The following NCAPG variants were observed in gnomAD, a reference collection of about 807,000 sequenced individuals.
NCAPG encodes condensin complex subunit 3.
A neutral mutation model predicts 113.1 loss-of-function variants in NCAPG; 69 were observed. The ratio of observed to expected loss-of-function variants is 0.61; its 90% CI spans 0.50 to 0.75. The LOEUF is 0.75. Ranked by LOEUF, NCAPG falls within the 30% of genes least tolerant of loss-of-function variation. NCAPG has a pLI of 0.00. For synonymous variants in NCAPG, 370 were observed against 415.8 expected, an observed-to-expected ratio of 0.89 and a Z score of 1.34; for missense variants, 1,058 against 1,177.0, an observed-to-expected ratio of 0.90 and a Z score of 1.48.
At chr4:17,829,960 T>A (rs1332546113) in intron 12 of NCAPG, among the ~76,000 whole-genome samples, 1 of 152,218 alleles carries the variant, frequency 6.6e-6, no homozygotes, top group Non-Finnish European at 1.5e-5. Context: ...TTTGAACTAT[T>A]CATGGAAGGT....
In NCAPG at chr4:17,830,855, C is replaced by A. The variant is rs1721841486; in HGVS notation, c.1765-142C>A. The A allele has an allele frequency of 3.9e-6, 3 of 769,438 alleles. No homozygotes were observed. In the South Asian group the frequency reaches 5.8e-5, roughly 15 times the overall value. The allele number at this position is 769,438 out of a possible 1,614,324, so 47.7% of individuals were successfully genotyped here. On this transcript the variant is annotated intron_variant, in intron 12 of 20. Transcript: ENST00000251496. ...TGGTCAGACCCTATTTCAGGAAGGTCACTCTGGCTATATTGTTCTGTTTTA... is the reference window on the plus strand; with the variant it reads ...TGGTCAGACCCTATTTCAGGAAGGTAACTCTGGCTATATTGTTCTGTTTTA...
chr4:17,830,492 T>C (rs1358530949), intron 12 of NCAPG, among the ~76,000 whole-genome samples: 1 of 151,686 alleles, frequency 6.6e-6, no homozygotes, highest in African/African-American at 2.4e-5. Context: ...TTTATATTGA[T>C]TAAATACTAC....
intron 7 of NCAPG, among the ~76,000 whole-genome samples, chr4:17,819,253 A>G (rs1438693059): frequency 1.3e-5 from 2 of 152,136 alleles, no homozygotes; most frequent in Non-Finnish European, 1.5e-5. Context: ...TTCACTGATA[A>G]AAGCAAAAGT....
At position 17,811,651 on chromosome 4, in the gene NCAPG, T is replaced by A. The variant is rs1720960691; in HGVS notation, c.111+463T>A. ...TGTCCTACGGTTACGTTGAATCCAA[T>A]CACCAAATACCAAATTATTTTTAGG... On this transcript the variant is annotated intron_variant, in intron 1 of 20. Transcript: ENST00000251496. The surrounding 1 kb of genome is among the most constrained non-coding windows in gnomAD (Gnocchi z 5.3). Among the ~76,000 whole-genome samples the A allele has an allele frequency of 6.6e-6, 1 of 152,232 alleles. No homozygotes were observed. Among genetic ancestry groups the A allele is most frequent in the Admixed American group, 6.5e-5 (1 of 15,286 alleles).
rs1390569382 is a variant in NCAPG at position 17,825,489 on chromosome 4, A to C, written c.1581A>C (p.Ala527=). The part of the protein sequence containing the change: ...RASELKEEIK[A]LEDARINLLK... ...CAGAATTAAAAGAAGAAATAAAAGCATTAGAAGATGCCAGAATAAACCTTT... is the reference window on the plus strand; with the variant it reads ...CAGAATTAAAAGAAGAAATAAAAGCCTTAGAAGATGCCAGAATAAACCTTT... Residue 527 remains alanine (A), a synonymous_variant, in exon 11 of 21, where the codon GCA becomes GCC. Coordinates refer to ENST00000251496, the MANE Select transcript of NCAPG (RefSeq NM_022346.5). 3 of 1,609,978 alleles carry C rather than the reference A, an allele frequency of 1.9e-6. No homozygotes were observed. Among genetic ancestry groups the C allele is most frequent in the Non-Finnish European group, 2.5e-6 (3 of 1,178,628 alleles).
At position 17,823,727 on chromosome 4, in the gene NCAPG, G is replaced by C. The variant is rs1301348642; in HGVS notation, c.1340G>C (p.Arg447Thr). 4 of 1,600,456 alleles carry C rather than the reference G, an allele frequency of 2.5e-6. No homozygotes were observed. In the African/African-American group the frequency reaches 5.4e-5, roughly 21 times the overall value. The part of the protein sequence containing the change: ...PISLVSFLVE[R>T]LLHIIIDDNK... ...TCCCTGGTTTCTTTTCTTGTTGAAA[G>C]ACTACTCCACATCATTATAGATGAT... The change falls in exon 9 of 21, where the codon AGA (arginine) becomes ACA (threonine). Residue 447 changes from arginine to threonine, a missense_variant. Physicochemically the swap from Arg to Thr is moderately conservative, Grantham distance 71 (BLOSUM62 -1). Transcript: ENST00000251496.
At chr4:17,840,273 CAT>C (rs1459890342) in intron 18 of NCAPG, 64 bp downstream of exon 18, 151 of 1,436,772 alleles carry the variant, frequency 1.1e-4, no homozygotes, top group Non-Finnish European at 1.3e-4. Flanking sequence ...TTTACTGAGA[CAT>C]ATTTTTTTCT....
At chr4:17,832,007 C>T (rs1265654725) in intron 13 of NCAPG, among the ~76,000 whole-genome samples, 1 of 152,116 alleles carries the variant, frequency 6.6e-6, no homozygotes, top group Non-Finnish European at 1.5e-5. Flanking sequence ...AACTCCTCAG[C>T]TTTGCTTTTG....
Position 17,817,469 on chromosome 4 carries a change from A to T in NCAPG, c.968+16A>T, listed in dbSNP as rs1329805017. 1 of 1,604,694 alleles carries T rather than the reference A, an allele frequency of 6.2e-7. No individual in the cohort carries two copies. The highest frequency in any genetic ancestry group is 1.7e-5 in the Admixed American group (1 of 59,484). Reference sequence around the variant, plus strand: ...ATGATGGCAGGTACATAAAGGATTCATTCTTTGAAATGTAGTACTGATTAA... The same window carrying T: ...ATGATGGCAGGTACATAAAGGATTCTTTCTTTGAAATGTAGTACTGATTAA... On this transcript the variant is annotated intron_variant, in intron 6 of 20. Transcript: ENST00000251496.
In NCAPG at chr4:17,817,383, G is replaced by C. The variant is rs1332948595; in HGVS notation, c.898G>C (p.Val300Leu). The C allele has an allele frequency of 4.3e-6, 7 of 1,614,006 alleles. No homozygotes were observed. The African/African-American group carries it at 9.3e-5, about 22-fold the overall frequency. Reference sequence around the variant, plus strand: ...AAATTCTTCTGAAGTGGCAGTCTCTGTTCTCAATGCCTTGTTTTCAATAAC... The same window carrying C: ...AAATTCTTCTGAAGTGGCAGTCTCTCTTCTCAATGCCTTGTTTTCAATAAC... Reference protein sequence around the residue: ...VENSSEVAVSVLNALFSITPL... With the variant: ...VENSSEVAVSLLNALFSITPL... The change falls in exon 6 of 21, where the codon GTT (valine) becomes CTT (leucine). Residue 300 changes from valine (V) to leucine (L), a missense_variant. By Grantham distance (32) the Val-to-Leu change is conservative (BLOSUM62 1). Coordinates refer to ENST00000251496, the MANE Select transcript of NCAPG (RefSeq NM_022346.5).
Position 17,840,711 on chromosome 4 carries a change from C to T in NCAPG, c.2854+18C>T. On this transcript the variant is annotated intron_variant, in intron 19 of 20. Transcript: ENST00000251496. ...TAACAGAGGTAGTGTGTGGATTGAC[C>T]ATCTTTATGATAAAAGTTTTAAATT... 1 of 1,423,460 alleles carries T rather than the reference C, an allele frequency of 7.0e-7. No individual in the cohort carries two copies. The highest frequency in any genetic ancestry group is 9.3e-7 in the Non-Finnish European group (1 of 1,076,694). 88.2% of individuals were successfully genotyped at this position (1,423,460 alleles called of 1,614,324 possible). A position where few individuals can be genotyped will look rare whatever the true frequency, so the allele number is the denominator to read the frequency against.
intron 11 of NCAPG, among the ~76,000 whole-genome samples, chr4:17,827,855 G>C (rs1008002080): frequency 6.7e-6 from 1 of 149,928 alleles, no homozygotes; most frequent in Non-Finnish European, 1.5e-5. Context: ...GCCCAGGCTG[G>C]AGTGCAGTGG....
chr4:17,842,231 T>TTTAG (rs1344279006), intron 19 of NCAPG, 79 bp from the exon 20 acceptor site: 2 of 1,222,330 alleles, frequency 1.6e-6, no homozygotes, highest in Admixed American at 1.8e-5. Context: ...AGACAAAGGA[T>TTTAG]TTAGTTAGCC....
intron 20 of NCAPG, 165 bp downstream of exon 20, chr4:17,842,544 C>A: frequency 1.7e-6 from 1 of 581,904 alleles, no homozygotes; most frequent in Non-Finnish European, 3.1e-6. Context: ...TCATCAAGAG[C>A]ATTTGACTTC....
chr4:17,812,536 C>A, intron 2 of NCAPG, 112 bp downstream of exon 2: 2 of 751,972 alleles, frequency 2.7e-6, no homozygotes, highest in Non-Finnish European at 4.4e-6. Context: ...ATTGAAAAAA[C>A]CTGAATGAGT....
At position 17,842,396 on chromosome 4, in the gene NCAPG, TAG is replaced by T; in HGVS notation, c.2924+19_2924+20del. 1 of 1,600,864 alleles carries T rather than the reference TAG, an allele frequency of 6.2e-7. No individual in the cohort carries two copies. The highest frequency in any genetic ancestry group is 1.1e-5 in the South Asian group (1 of 90,590). ...CTCTGAAAGGTATGTCATGCATGTC[TAG>T]AATATATGGAGGCCTATCTTCACTT... On this transcript the variant is annotated intron_variant, in intron 20 of 20. Transcript: ENST00000251496.
rs765883721 is a variant in NCAPG, at chr4:17,840,024, T to C, written c.2629-47T>C. The stretch of plus-strand genomic sequence containing the variant: ...ATGTATTGGTACTATTTTCAAAGAT[T>C]AGGGAATGCGGTGTTTACAAAATGT... On this transcript the variant is annotated intron_variant, in intron 17 of 20. Transcript: ENST00000251496. 1.3e-5 allele frequency: 21 copies of C among 1,560,868 alleles called. No individual in the cohort carries two copies. In the African/African-American group the frequency reaches 2.4e-4, roughly 17 times the overall value.
At chr4:17,836,525 A>T (rs1722102789) in intron 14 of NCAPG, among the ~76,000 whole-genome samples, 2 of 152,120 alleles carry the variant, frequency 1.3e-5, no homozygotes, top group Admixed American at 1.3e-4. Flanking sequence ...TAAGTCATGA[A>T]GATTTATCCC....
intron 16 of NCAPG, 127 bp from the exon 17 acceptor site, chr4:17,839,549 G>T: frequency 3.3e-6 from 2 of 612,286 alleles, no homozygotes; most frequent in Non-Finnish European, 2.5e-6. Context: ...TGTTAAATTT[G>T]GTTTTAGACA....
Sources: allele counts gnomAD v4.1 joint callset (sites outside exome capture counted in the v4.1 genomes callset), GRCh38; gene constraint gnomAD v4.1.1; non-coding constraint Gnocchi (gnomAD v3.1); transcripts MANE v1.5; gene names NCBI Gene and HGNC (gene_info 2026-07-23, HGNC 2026-07-21).